The following IL1R1 variants were observed in gnomAD, a reference collection of about 807,000 sequenced individuals.
IL1R1 encodes interleukin-1 receptor type 1.
A neutral mutation model predicts 50.2 loss-of-function variants in IL1R1; 22 were observed. The observed-to-expected ratio is 0.44, with a 90% CI of 0.31 to 0.63. The LOEUF (loss-of-function observed/expected upper bound fraction) is 0.63. Among genes scored for constraint, IL1R1 ranks in the 20% least tolerant of loss-of-function variants. The pLI is 0.07. For synonymous variants in IL1R1, 251 were observed against 236.7 expected (o/e 1.06, Z -0.55); for missense variants, 509 against 676.2 (o/e 0.75, Z 2.74).
intron 1 of IL1R1, among the ~76,000 whole-genome samples, chr2:102,146,117 C>T (rs1458204239): frequency 2.0e-5 from 3 of 152,000 alleles, no homozygotes; most frequent in Non-Finnish European, 2.9e-5. Context: ...CATGGTTCAG[C>T]GAGCTGTGAA....
At chr2:102,138,549 G>C (rs1307429107), upstream of IL1R1, among the ~76,000 whole-genome samples, 3 of 152,136 alleles carry the variant, frequency 2.0e-5, no homozygotes, top group Non-Finnish European at 4.4e-5. Flanking sequence ...TTAAATCAGA[G>C]GAATTTGAAC....
intron 1 of IL1R1, among the ~76,000 whole-genome samples, chr2:102,131,095 T>C (rs1288550391): frequency 6.6e-6 from 1 of 152,122 alleles, no homozygotes; most frequent in Admixed American, 6.6e-5. Flanking sequence ...GGAGGAATAA[T>C]TCCTATTCTC....
intron 1 of IL1R1, among the ~76,000 whole-genome samples, chr2:102,089,098 T>C (rs930458072): frequency 1.3e-5 from 2 of 152,234 alleles, no homozygotes; most frequent in African/African-American, 2.4e-5. Context: ...GCACTTTTAA[T>C]GTCCTTCAAG....
chr2:102,089,494 G>C (rs1190035817), intron 1 of IL1R1, among the ~76,000 whole-genome samples: 4 of 152,228 alleles, frequency 2.6e-5, no homozygotes, highest in African/African-American at 9.6e-5. Flanking sequence ...AAATAGTGTG[G>C]GAATTACCAA....
At chr2:102,165,342 A>G (rs1330357796) in intron 5 of IL1R1, 38 bp downstream of exon 5, 1 of 1,171,104 alleles carries the variant, frequency 8.5e-7, no homozygotes, top group East Asian at 2.5e-5. Context: ...ACTTTTCCAG[A>G]AAATAAAATA....
chr2:102,076,438 T>C (rs1179176926), intron 1 of IL1R1, among the ~76,000 whole-genome samples: 1 of 152,156 alleles, frequency 6.6e-6, no homozygotes, highest in Non-Finnish European at 1.5e-5. Flanking sequence ...CATGTTTCCA[T>C]TTGGTATAAT....
At chr2:102,100,619 C>T (rs1448579143), upstream of IL1R1, among the ~76,000 whole-genome samples, 1 of 152,192 alleles carries the variant, frequency 6.6e-6, no homozygotes, top group South Asian at 2.1e-4. Context: ...TGAGCTTCAC[C>T]AGACCTGGCC....
chr2:102,084,510 G>A (rs1326009798), intron 1 of IL1R1, among the ~76,000 whole-genome samples: 2 of 152,044 alleles, frequency 1.3e-5, no homozygotes, highest in African/African-American at 4.8e-5. Flanking sequence ...TACATAATAT[G>A]GATCTTTTCA....
At chr2:102,143,695 C>G (rs1253236216) in intron 1 of IL1R1, among the ~76,000 whole-genome samples, 2 of 152,182 alleles carry the variant, frequency 1.3e-5, no homozygotes, top group African/African-American at 4.8e-5. Flanking sequence ...ATGCAGCCCC[C>G]CTCTGTCTTC....
intron 1 of IL1R1, among the ~76,000 whole-genome samples, chr2:102,147,723 CT>C (rs1186087811): frequency 7.2e-5 from 11 of 152,158 alleles, no homozygotes; most frequent in Admixed American, 6.5e-4. Flanking sequence ...GTGATCCTGT[CT>C]TTCTGTGTCT....
rs3917302 is a variant in IL1R1, at chr2:102,170,636, C to T, written c.722-1165C>T. The stretch of plus-strand genomic sequence containing the variant: ...CATAATAGGAAACAAATGCCATTTG[C>T]ACCAGTAAATGTCTTAGAAGTGTCC... On this transcript the variant is annotated intron_variant, in intron 7 of 11. Transcript: ENST00000410023. Among the ~76,000 whole-genome samples, 494 of 152,154 alleles carry T rather than the reference C, an allele frequency of 3.2e-3. 3 individuals carry two copies. Among genetic ancestry groups the T allele is most frequent in the African/African-American group, 0.012 (477 of 41,476 alleles).
intron 11 of IL1R1, chr2:102,176,047 A>C: frequency 2.2e-6 from 1 of 450,860 alleles, no homozygotes; most frequent in Non-Finnish European, 3.9e-6. Context: ...GGAGGTTTGC[A>C]GTGGCTCATG....
At position 102,160,009 on chromosome 2, in the gene IL1R1, T is replaced by C. The variant is rs895026215; in HGVS notation, c.61+2224T>C. ...TTTTGAAATTTTTTGCCAGTCTTTT[T>C]GTTGCCTTTATGGAGGAATGATTTA... On this transcript the variant is annotated intron_variant, in intron 3 of 11. Coordinates refer to ENST00000410023, the MANE Select transcript of IL1R1 (RefSeq NM_000877.4). Among the ~76,000 whole-genome samples the C allele has an allele frequency of 2.2e-4, 33 of 152,206 alleles. 1 individual carries two copies. The highest frequency in any genetic ancestry group is 7.2e-4 in the African/African-American group (30 of 41,456).
upstream of IL1R1, among the ~76,000 whole-genome samples, chr2:102,140,040 G>A (rs997834377): frequency 2.0e-5 from 3 of 152,228 alleles, no homozygotes; most frequent in South Asian, 2.1e-4. Context: ...CTTCCCACCT[G>A]CTGGTCAACT....
chr2:102,163,155 C>T (rs761986346), intron 3 of IL1R1, among the ~76,000 whole-genome samples: 6 of 152,054 alleles, frequency 3.9e-5, no homozygotes, highest in African/African-American at 7.2e-5. Flanking sequence ...TCATTTCTCC[C>T]GGGCTACATA....
At chr2:102,129,311 C>T (rs1004325868) in intron 1 of IL1R1, among the ~76,000 whole-genome samples, 2 of 152,114 alleles carry the variant, frequency 1.3e-5, no homozygotes, top group Non-Finnish European at 2.9e-5. Context: ...AAAACAAGAA[C>T]TCCTTCCCAA....
At chr2:102,097,626 T>A (rs1030779894) in intron 1 of IL1R1, among the ~76,000 whole-genome samples, 18 of 152,008 alleles carry the variant, frequency 1.2e-4, no homozygotes, top group African/African-American at 2.4e-4. Flanking sequence ...AGCCAAAACA[T>A]TTGAAATTTT....
At chr2:102,152,119 C>T (rs926908820) in intron 1 of IL1R1, among the ~76,000 whole-genome samples, 12 of 151,870 alleles carry the variant, frequency 7.9e-5, no homozygotes, top group African/African-American at 2.9e-4. Flanking sequence ...ACATGGTGGT[C>T]GCTTCAGCAA....
At chr2:102,159,690 C>T (rs1684528248) in intron 3 of IL1R1, among the ~76,000 whole-genome samples, 1 of 152,136 alleles carries the variant, frequency 6.6e-6, no homozygotes. Flanking sequence ...AACACCACCA[C>T]CCTATGAATG....
Sources: allele counts gnomAD v4.1 joint callset (sites outside exome capture counted in the v4.1 genomes callset), GRCh38; gene constraint gnomAD v4.1.1; transcripts MANE v1.5; gene names NCBI Gene and HGNC (gene_info 2026-07-23, HGNC 2026-07-21).